TASP1: variants seen among roughly 807,000 people sequenced by gnomAD.
TASP1 encodes taspase 1.
In TASP1, 16 loss-of-function variants were observed where a neutral mutation model predicts 56.6. The observed-to-expected ratio is 0.28, with a 90% CI of 0.19 to 0.43. The LOEUF (loss-of-function observed/expected upper bound fraction) is 0.43. TASP1 is among the 20% of genes least tolerant of loss of function. TASP1 has a pLI of 1.00. For missense variants in TASP1, 393 were observed against 511.6 expected (o/e 0.77, Z 2.24); for synonymous variants, 179 against 184.2 (o/e 0.97, Z 0.23).
At chr20:13,337,598 G>A in the TASP1 span, among the ~76,000 whole-genome samples, 1 of 152,154 alleles carries the variant, frequency 6.6e-6, no homozygotes, top group African/African-American at 2.4e-5. Context: ...AGAAACTGGG[G>A]AATTCACATG....
rs1283593161 is a variant in TASP1, at chr20:13,470,708, A to T, written c.985+12519T>A. On this transcript the variant is annotated intron_variant, in intron 11 of 13. Coordinates refer to ENST00000337743, the MANE Select transcript of TASP1 (RefSeq NM_017714.3). ...GTTGATGGATATCAGTCACCTATTG[A>T]CAAGATGATTTGGAGTCTAAACCAT... Among the ~76,000 whole-genome samples the T allele has an allele frequency of 3.9e-5, 6 of 152,188 alleles. No homozygotes were observed. The South Asian group carries it at 1.2e-3, about 31-fold the overall frequency.
chr20:13,355,924 A>G, the TASP1 span, among the ~76,000 whole-genome samples: 2 of 152,126 alleles, frequency 1.3e-5, no homozygotes, highest in African/African-American at 4.8e-5. Flanking sequence ...GACTCCTCAT[A>G]TTGGCCAAAA....
At chr20:13,354,050 G>T in the TASP1 span, among the ~76,000 whole-genome samples, 4 of 152,058 alleles carry the variant, frequency 2.6e-5, no homozygotes, top group South Asian at 6.2e-4. Flanking sequence ...TCAAAATAAT[G>T]AATAAGGTAA....
At chr20:13,240,488 G>T in the TASP1 span, among the ~76,000 whole-genome samples, 1 of 152,288 alleles carries the variant, frequency 6.6e-6, no homozygotes, top group African/African-American at 2.4e-5. Flanking sequence ...AAAGCCTTGA[G>T]ATAGGAAGGA....
intron 2 of TASP1, among the ~76,000 whole-genome samples, chr20:13,628,998 T>C (rs894522912): frequency 2.0e-5 from 3 of 152,186 alleles, no homozygotes; most frequent in Non-Finnish European, 2.9e-5. Flanking sequence ...ACACTGGCTC[T>C]AGCACCAACC....
chr20:13,479,962 C>T (rs2043080320), intron 11 of TASP1, among the ~76,000 whole-genome samples: 2 of 152,188 alleles, frequency 1.3e-5, no homozygotes, highest in Admixed American at 1.3e-4. Context: ...ACTAATTACA[C>T]CACCAGTGTG....
chr20:13,401,261 T>C (rs1475421442), intron 13 of TASP1, among the ~76,000 whole-genome samples: 5 of 152,188 alleles, frequency 3.3e-5, no homozygotes, highest in Admixed American at 6.5e-5. Flanking sequence ...ATATATTTAA[T>C]TTTTTTCAAA....
intron 6 of TASP1, among the ~76,000 whole-genome samples, chr20:13,579,175 T>G (rs1004661829): frequency 6.6e-6 from 1 of 152,226 alleles, no homozygotes; most frequent in African/African-American, 2.4e-5. Flanking sequence ...CACAGTCATG[T>G]TTAAATGCAC....
rs1323217986 is a variant in TASP1, at chr20:13,435,128, C to A, written c.1012G>T (p.Gly338Cys). Residue 338 changes from glycine to cysteine, a missense_variant, in exon 12 of 14, where the codon GGC (glycine) becomes TGC (cysteine). Coordinates refer to ENST00000337743, the MANE Select transcript of TASP1 (RefSeq NM_017714.3). ...ISSPFLASED[G>C]VLGGVIVLRS... ...AGGACAATCACTCCGCCAAGCACGC[C>A]ATCTTCACTGGCAAGGAAAGGTGAA... is the stretch of plus-strand genomic sequence containing the variant. 1.9e-6 allele frequency: 3 copies of A among 1,607,778 alleles called. No homozygotes were observed. Among genetic ancestry groups the A allele is most frequent in the Non-Finnish European group, 2.5e-6 (3 of 1,177,038 alleles).
chr20:13,441,549 C>T (rs2043212747), intron 11 of TASP1, among the ~76,000 whole-genome samples: 1 of 152,158 alleles, frequency 6.6e-6, no homozygotes, highest in African/African-American at 2.4e-5. Flanking sequence ...GCAGATCAAT[C>T]AGCAAATGCA....
chr20:13,494,414 T>C (rs1052343527), intron 10 of TASP1, among the ~76,000 whole-genome samples: 1 of 152,166 alleles, frequency 6.6e-6, no homozygotes, highest in Non-Finnish European at 1.5e-5. Context: ...AGAAAACCCT[T>C]TTTAAAAGCT....
chr20:13,221,980 G>A, the TASP1 span: 1 of 1,265,942 alleles, frequency 7.9e-7, no homozygotes, highest in Non-Finnish European at 1.0e-6. Flanking sequence ...GGGGTGCTGA[G>A]CTAGTGCCGG....
At chr20:13,168,637 A>G in the TASP1 span, 1 of 152,224 alleles carries the variant, frequency 6.6e-6, no homozygotes, top group Non-Finnish European at 1.5e-5. Flanking sequence ...CTTCAGAGAT[A>G]GCAAATGTTA....
chr20:13,196,804 T>C, the TASP1 span, among the ~76,000 whole-genome samples: 3 of 152,322 alleles, frequency 2.0e-5, no homozygotes, highest in South Asian at 2.1e-4. Context: ...GCCCACATCA[T>C]ATCTCCATTA....
At chr20:13,471,690 T>C (rs1349683555) in intron 11 of TASP1, among the ~76,000 whole-genome samples, 1 of 152,204 alleles carries the variant, frequency 6.6e-6, no homozygotes, top group Admixed American at 6.5e-5. Flanking sequence ...CTGTATTTAC[T>C]GAGTATAGCT....
rs1388493946 is a variant in TASP1 at position 13,407,787 on chromosome 20, G to A, written c.1170+9661C>T. ...ATAGCCATCTTGTTGGATGTGAAGT[G>A]GTATCTACTTGTGGTTGTCATCTGC... On this transcript the variant is annotated intron_variant, in intron 13 of 13. Transcript: ENST00000337743. 2.0e-5 allele frequency among the ~76,000 whole-genome samples: 3 copies of A among 152,116 alleles called. No homozygotes were observed. In the East Asian group the frequency reaches 5.8e-4, roughly 29 times the overall value.
At chr20:13,329,270 T>C in the TASP1 span, among the ~76,000 whole-genome samples, 1 of 152,130 alleles carries the variant, frequency 6.6e-6, no homozygotes, top group African/African-American at 2.4e-5. Context: ...AGGAGGTAAG[T>C]CAGGTAAAAT....
chr20:13,533,568 G>A (rs2045304967), intron 9 of TASP1, among the ~76,000 whole-genome samples: 1 of 152,132 alleles, frequency 6.6e-6, no homozygotes, highest in Admixed American at 6.6e-5. Context: ...TGAAATGCTG[G>A]ATCAGAGGAG....
chr20:13,456,561 G>A (rs1057318754), intron 11 of TASP1, among the ~76,000 whole-genome samples: 4 of 152,068 alleles, frequency 2.6e-5, no homozygotes, highest in Non-Finnish European at 4.4e-5. Flanking sequence ...CAGATCTTTC[G>A]GAATGGACTA....
Sources: gnomAD v4.1 joint callset for allele counts (sites outside exome capture counted in the v4.1 genomes callset) on GRCh38, gnomAD v4.1.1 for gene constraint, MANE v1.5 for transcripts, NCBI Gene and HGNC (gene_info 2026-07-23, HGNC 2026-07-21) for gene names.